The following ANK3 variants were observed in gnomAD, a reference collection of about 807,000 sequenced individuals.
The protein encoded by ANK3 is ankyrin 3, also known as ankyrin-3.
ANK3 carries 57 observed loss-of-function variants against 370.9 expected under a neutral mutation model. The observed-to-expected ratio is 0.15, with a 90% CI of 0.12 to 0.19. The LOEUF (loss-of-function observed/expected upper bound fraction) is 0.19, where lower values mean the gene tolerates loss of function less well. Ranked by LOEUF, ANK3 falls within the 10% of genes least tolerant of loss-of-function variation. The pLI, the probability that ANK3 is intolerant of heterozygous loss-of-function variation, is 1.00. For synonymous variants in ANK3, 1,929 were observed against 1,946.3 expected (o/e 0.99, Z 0.23); for missense variants, 4,439 against 5,302.1 (o/e 0.84, Z 5.06).
chr10:60,324,438 CTCATT>C (rs2049348570), intron 1 of ANK3, among the ~76,000 whole-genome samples: 1 of 152,288 alleles, frequency 6.6e-6, no homozygotes, highest in African/African-American at 2.4e-5. Context: ...CTCAAATTAT[CTCATT>C]TCATGTTTCT....
intron 1 of ANK3, among the ~76,000 whole-genome samples, chr10:60,376,671 C>A (rs1410912204): frequency 1.3e-5 from 2 of 152,176 alleles, no homozygotes; most frequent in Non-Finnish European, 2.9e-5. Flanking sequence ...GGCCATGACC[C>A]AGTCAGCAGT....
At chr10:60,662,065 A>C (rs1045882394) in intron 1 of ANK3, among the ~76,000 whole-genome samples, 7 of 152,232 alleles carry the variant, frequency 4.6e-5, no homozygotes, top group African/African-American at 1.7e-4. Flanking sequence ...ATCAGTTAGA[A>C]TATATCAAAA....
At position 60,230,944 on chromosome 10, in the gene ANK3, G is replaced by A. The variant is rs2097233579; in HGVS notation, c.897+3744C>T. On this transcript the variant is annotated intron_variant, in intron 8 of 43. Transcript: ENST00000280772. ...AGGGTCTGTAATTCATCATATCCTAGCTAAACACCTCTAAGAAGATTCATG... is the reference window on the plus strand; with the variant it reads ...AGGGTCTGTAATTCATCATATCCTAACTAAACACCTCTAAGAAGATTCATG... 6.0e-5 allele frequency among the ~76,000 whole-genome samples: 9 copies of A among 150,356 alleles called. No homozygotes were observed. In the South Asian group the frequency reaches 6.3e-4, roughly 11 times the overall value.
At chr10:60,517,437 C>T (rs548215995) in intron 2 of ANK3, among the ~76,000 whole-genome samples, 13 of 152,158 alleles carry the variant, frequency 8.5e-5, no homozygotes, top group South Asian at 6.2e-4. Flanking sequence ...ATGGCCATAC[C>T]ATCCTGAACA....
At chr10:60,593,543 AT>A (rs921183109) in intron 2 of ANK3, among the ~76,000 whole-genome samples, 9 of 151,894 alleles carry the variant, frequency 5.9e-5, no homozygotes, top group East Asian at 3.9e-4. Context: ...AATTAGGAAA[AT>A]TTTTTTTTAA....
chr10:60,183,076 G>T (rs1408009769), intron 17 of ANK3, among the ~76,000 whole-genome samples: 1 of 152,164 alleles, frequency 6.6e-6, no homozygotes, highest in African/African-American at 2.4e-5. Context: ...GTCCCCTCAT[G>T]CTCCCATGTC....
intron 43 of ANK3, among the ~76,000 whole-genome samples, chr10:60,035,023 G>GAA (rs35866956): frequency 0.69 from 105,138 of 151,498 alleles, 37,561 homozygotes; most frequent in African/African-American, 0.83. Context: ...CAAAGGGCTG[G>GAA]AAAAAAATAC....
chr10:60,634,074 T>G (rs142740206), intron 1 of ANK3, among the ~76,000 whole-genome samples: 208 of 152,326 alleles, frequency 1.4e-3, no homozygotes, highest in African/African-American at 4.8e-3. Context: ...TGTAACTATT[T>G]GAGTGGAGAA....
At chr10:60,220,296 A>C (rs952709122) in intron 8 of ANK3, among the ~76,000 whole-genome samples, 1 of 152,172 alleles carries the variant, frequency 6.6e-6, no homozygotes, top group Non-Finnish European at 1.5e-5. Flanking sequence ...TTGTAAACCA[A>C]AAATAAATGT....
At chr10:60,575,990 A>C (rs548853576) in intron 2 of ANK3, among the ~76,000 whole-genome samples, 1 of 152,178 alleles carries the variant, frequency 6.6e-6, no homozygotes, top group African/African-American at 2.4e-5. Flanking sequence ...TGACCTAAAA[A>C]CAGTCTAGGG....
intron 1 of ANK3, among the ~76,000 whole-genome samples, chr10:60,724,845 C>T (rs1031039683): frequency 5.9e-5 from 9 of 152,140 alleles, no homozygotes; most frequent in Non-Finnish European, 1.3e-4. Context: ...CTTGTGGTAA[C>T]AGAGTTAATC....
chr10:60,363,823 G>T (rs1165610189), intron 1 of ANK3, among the ~76,000 whole-genome samples: 1 of 152,046 alleles, frequency 6.6e-6, no homozygotes, highest in African/African-American at 2.4e-5. Flanking sequence ...CAGGAAAATG[G>T]AACATATGCA....
rs181982777 is a variant in ANK3, at chr10:60,698,159, C to T, written c.57+35104G>A. 2.9e-3 allele frequency among the ~76,000 whole-genome samples: 447 copies of T among 151,786 alleles called. 1 individual carries two copies. The highest frequency in any genetic ancestry group is 3.7e-3 in the Non-Finnish European group (254 of 67,944). ...AAAAAAAACATGAAAAAATGCTCAC[C>T]ATCAGTGGCCATCAGAGAAATGCAA... On this transcript the variant is annotated intron_variant, in intron 1 of 43. Coordinates refer to the ANK3 transcript ENST00000373827.
At chr10:60,188,355 T>C (rs2096396905) in intron 16 of ANK3, among the ~76,000 whole-genome samples, 1 of 152,168 alleles carries the variant, frequency 6.6e-6, no homozygotes, top group Admixed American at 6.5e-5. Flanking sequence ...TTACAAGAAG[T>C]GTAAGATTAC....
intron 2 of ANK3, among the ~76,000 whole-genome samples, chr10:60,473,611 G>C (rs1196246144): frequency 6.6e-6 from 1 of 152,014 alleles, no homozygotes; most frequent in Non-Finnish European, 1.5e-5. Flanking sequence ...GTTCATTTAG[G>C]AGCACTAGGT....
chr10:60,189,179 T>C (rs917426602), intron 16 of ANK3, among the ~76,000 whole-genome samples: 17 of 152,154 alleles, frequency 1.1e-4, no homozygotes, highest in Non-Finnish European at 1.5e-4. Flanking sequence ...TCCTATGTCC[T>C]AAAAAAATGT....
At chr10:60,121,724 T>C (rs1159956212) in intron 25 of ANK3, among the ~76,000 whole-genome samples, 1 of 151,858 alleles carries the variant, frequency 6.6e-6, no homozygotes, top group African/African-American at 2.4e-5. Context: ...ACCCTAGTAT[T>C]TGGTAGTACA....
chr10:60,731,154 T>C (rs1236441110), intron 1 of ANK3, among the ~76,000 whole-genome samples: 1 of 152,194 alleles, frequency 6.6e-6, no homozygotes, highest in East Asian at 1.9e-4. Flanking sequence ...AACAATTATA[T>C]TCTTCTCAGT....
rs1374646234 is a variant in ANK3 at position 60,029,771 on chromosome 10, T to C, written c.*75A>G. 1 of 152,296 alleles carries C rather than the reference T, an allele frequency of 6.6e-6. No homozygotes were observed. The highest frequency in any genetic ancestry group is 1.5e-5 in the Non-Finnish European group (1 of 67,984). The allele number at this position is 152,296 out of a possible 1,614,324, so 9.4% of individuals were successfully genotyped here. ...ACACACTTCTCGGTGAATTTTTACT[T>C]CCTGCTGACATTTCTTCCACGAATT... On this transcript the variant is annotated 3_prime_UTR_variant, in exon 44 of 44. Coordinates refer to ENST00000280772, the MANE Select transcript of ANK3 (RefSeq NM_020987.5).
Sources: allele counts gnomAD v4.1 joint callset (sites outside exome capture counted in the v4.1 genomes callset), GRCh38; gene constraint gnomAD v4.1.1; transcripts MANE v1.5; gene names NCBI Gene and HGNC (gene_info 2026-07-23, HGNC 2026-07-21).